Variants in LAMP3 observed in about 807,000 individuals in gnomAD.
LAMP3 encodes the protein lysosome-associated membrane glycoprotein 3.
A neutral mutation model predicts 34.8 loss-of-function variants in LAMP3; 26 were observed. The ratio of observed to expected loss-of-function variants is 0.75; its 90% CI spans 0.55 to 1.04. The LOEUF (loss-of-function observed/expected upper bound fraction) is 1.04, where lower values mean the gene tolerates loss of function less well. Ranked by LOEUF, LAMP3 falls within the 50% of genes least tolerant of loss-of-function variation. The pLI is 0.00. For synonymous variants in LAMP3, 180 were observed against 201.9 expected (o/e 0.89, Z 0.92); for missense variants, 495 against 524.0 (o/e 0.94, Z 0.54).
rs1449779469 is a variant in LAMP3 at position 183,124,214 on chromosome 3, A to G, written c.1118T>C (p.Val373Ala). ...TGTGTAGTCAGACGAGCACTCATCCACTAAGAGAGAAAACAAATACAATAC... is the reference window on the plus strand; with the variant it reads ...TGTGTAGTCAGACGAGCACTCATCCGCTAAGAGAGAAAACAAATACAATAC... ...FDFEDDHFGN[V>A]DECSSDYTIV... Residue 373 changes from valine (V) to alanine (A), a missense_variant and splice_region_variant, in exon 6 of 6, where the codon GTG (valine) becomes GCG (alanine). Coordinates refer to ENST00000265598, the MANE Select transcript of LAMP3 (RefSeq NM_014398.4). 2 of 1,571,628 alleles carry G rather than the reference A, an allele frequency of 1.3e-6. No individual in the cohort carries two copies. The highest frequency in any genetic ancestry group is 1.7e-6 in the Non-Finnish European group (2 of 1,163,550).
rs202029050 is a variant in LAMP3 at position 183,153,741 on chromosome 3, T to C, written c.700A>G (p.Ser234Gly). Reference protein sequence around the residue: ...KTGIYQVLNGSRLCIKAEMGI... With the variant: ...KTGIYQVLNGGRLCIKAEMGI... ...ATCTCTGCTTTTATACAGAGTCTGC[T>C]TCCGTTTAGAACCTGATAAATTCCA... Residue 234 changes from serine (S) to glycine (G), a missense_variant, in exon 2 of 6, where the codon AGC (serine) becomes GGC (glycine). Physicochemically the swap from Ser to Gly is moderately conservative, Grantham distance 56. Transcript: ENST00000265598. The C allele has an allele frequency of 2.6e-6, 4 of 1,541,768 alleles. No homozygotes were observed. Among genetic ancestry groups the C allele is most frequent in the East Asian group, 2.3e-5 (1 of 44,432 alleles).
intron 3 of LAMP3, among the ~76,000 whole-genome samples, chr3:183,142,034 G>C (rs1720298194): frequency 1.3e-5 from 2 of 152,130 alleles, no homozygotes; most frequent in African/African-American, 4.8e-5. Context: ...TCAGTCTCTT[G>C]GTTCTTGAAG....
chr3:183,160,105 T>C (rs150508673), intron 1 of LAMP3, among the ~76,000 whole-genome samples: 3 of 152,240 alleles, frequency 2.0e-5, no homozygotes, highest in Non-Finnish European at 4.4e-5. Context: ...AACAAGCAAC[T>C]ATCTTGTTTA....
Position 183,153,965 on chromosome 3 carries a change from G to T in LAMP3, c.476C>A (p.Thr159Asn), listed in dbSNP as rs755276071. 16 of 1,614,182 alleles carry T rather than the reference G, an allele frequency of 9.9e-6. No individual in the cohort carries two copies. Among genetic ancestry groups the T allele is most frequent in the Non-Finnish European group, 1.3e-5 (15 of 1,180,022 alleles). ...SSTVSHTTGN[T>N]TQPSNQTTLP... Reference sequence around the variant, plus strand: ...GGTGGTCTGGTTACTGGGTTGAGTGGTGTTCCCAGTTGTGTGGCTGACGGT... The same window carrying T: ...GGTGGTCTGGTTACTGGGTTGAGTGTTGTTCCCAGTTGTGTGGCTGACGGT... Residue 159 changes from threonine to asparagine, a missense_variant, in exon 2 of 6, where the codon ACC (threonine) becomes AAC (asparagine). By Grantham distance (65) the Thr-to-Asn change is moderately conservative. Transcript: ENST00000265598.
chr3:183,142,517 C>A (rs945822790), intron 3 of LAMP3, among the ~76,000 whole-genome samples: 1 of 151,932 alleles, frequency 6.6e-6, no homozygotes, highest in African/African-American at 2.4e-5. Flanking sequence ...ATCCTTACAA[C>A]GACCCCGAGA....
chr3:183,130,920 A>ATG (rs1719901258), intron 5 of LAMP3, among the ~76,000 whole-genome samples: 2 of 151,950 alleles, frequency 1.3e-5, no homozygotes, highest in Admixed American at 6.6e-5. Flanking sequence ...CTTAGGGTGA[A>ATG]TGTGTGTGTG....
intron 3 of LAMP3, among the ~76,000 whole-genome samples, chr3:183,146,708 A>G (rs1049762127): frequency 6.6e-6 from 1 of 151,580 alleles, no homozygotes; most frequent in African/African-American, 2.4e-5. Context: ...TTGTATTTTT[A>G]GTAGAGACAG....
At position 183,127,927 on chromosome 3, in the gene LAMP3, C is replaced by T. The variant is rs549961122; in HGVS notation, c.1118-3713G>A. The stretch of plus-strand genomic sequence containing the variant: ...CAGGTGGATCTCAAGGTCAGGAGAT[C>T]GAGACCATTCTGGCTAACACAGTGA... On this transcript the variant is annotated intron_variant, in intron 5 of 5. Coordinates refer to ENST00000265598, the MANE Select transcript of LAMP3 (RefSeq NM_014398.4). 3.3e-5 allele frequency among the ~76,000 whole-genome samples: 5 copies of T among 151,918 alleles called. No individual in the cohort carries two copies. In the South Asian group the frequency reaches 6.2e-4, roughly 19 times the overall value.
At chr3:183,133,045 A>G in intron 5 of LAMP3, 1 of 580,682 alleles carries the variant, frequency 1.7e-6, no homozygotes, top group Non-Finnish European at 2.2e-6. Context: ...CTTTGGAGAA[A>G]AGAAGACAGA....
intron 1 of LAMP3, among the ~76,000 whole-genome samples, chr3:183,156,364 A>AACAACAAC (rs1720822652): frequency 1.3e-5 from 2 of 151,034 alleles, no homozygotes; most frequent in Admixed American, 6.6e-5. Flanking sequence ...GCTGTCTCAA[A>AACAACAAC]AACAACAACA....
At chr3:183,150,644 CTCAAGCAAT>C (rs1387600505) in intron 3 of LAMP3, among the ~76,000 whole-genome samples, 2 of 137,944 alleles carry the variant, frequency 1.4e-5, no homozygotes, top group South Asian at 4.8e-4. Flanking sequence ...ACCTCCTGGA[CTCAAGCAAT>C]TCAAGCAATC....
At position 183,123,992 on chromosome 3, in the gene LAMP3, C is replaced by G; in HGVS notation, c.*89G>C. The G allele has an allele frequency of 2.1e-6, 3 of 1,448,162 alleles. No homozygotes were observed. 89.7% of individuals were successfully genotyped at this position (1,448,162 alleles called of 1,614,324 possible). The stretch of plus-strand genomic sequence containing the variant: ...GGTGGTTTACATTGTTTGAAGGACC[C>G]ACACTCTGAGGGAATTTCCCAACAT... On this transcript the variant is annotated 3_prime_UTR_variant, in exon 6 of 6. Transcript: ENST00000265598.
At position 183,151,033 on chromosome 3, in the gene LAMP3, T is replaced by C. The variant is rs545051585; in HGVS notation, c.888+1342A>G. On this transcript the variant is annotated intron_variant, in intron 3 of 5. Coordinates refer to ENST00000265598, the MANE Select transcript of LAMP3 (RefSeq NM_014398.4). ...GTATGCTCCAGGAGAATAAAGTCTT[T>C]GTGATCAAGTTAATAATGACAATCA... Among the ~76,000 whole-genome samples, 4 of 152,284 alleles carry C rather than the reference T, an allele frequency of 2.6e-5. No homozygotes were observed. In the South Asian group the frequency reaches 8.3e-4, roughly 32 times the overall value.
At chr3:183,129,031 C>T (rs998722634) in intron 5 of LAMP3, among the ~76,000 whole-genome samples, 2 of 152,096 alleles carry the variant, frequency 1.3e-5, no homozygotes, top group African/African-American at 2.4e-5. Flanking sequence ...TCAAAACAAA[C>T]AAACAAACAA....
In LAMP3 at chr3:183,128,174, G is replaced by A. The variant is rs374372230; in HGVS notation, c.1118-3960C>T. Among the ~76,000 whole-genome samples, 20 of 150,110 alleles carry A rather than the reference G, an allele frequency of 1.3e-4. No homozygotes were observed. The South Asian group carries it at 3.2e-3, about 24-fold the overall frequency. ...AAAAAAAAAAAAAAAGTGTTCTGAC[G>A]ATTTAACACTGTCATATGATTTGAA... On this transcript the variant is annotated intron_variant, in intron 5 of 5. Transcript: ENST00000265598.
chr3:183,159,843 G>A (rs189022363), intron 1 of LAMP3, among the ~76,000 whole-genome samples: 2 of 152,352 alleles, frequency 1.3e-5, no homozygotes, highest in African/African-American at 4.8e-5. Flanking sequence ...GGCCTTCTGG[G>A]AAGGCTGGGT....
intron 3 of LAMP3, among the ~76,000 whole-genome samples, chr3:183,149,265 G>A (rs575269136): frequency 6.6e-6 from 1 of 152,070 alleles, no homozygotes; most frequent in African/African-American, 2.4e-5. Context: ...GAATGGGCTG[G>A]GCACGGTGGC....
At chr3:183,149,820 C>T (rs188716381) in intron 3 of LAMP3, among the ~76,000 whole-genome samples, 161 of 151,794 alleles carry the variant, frequency 1.1e-3, no homozygotes, top group African/African-American at 3.6e-3. Flanking sequence ...ATCAAAATAT[C>T]TCATGTACCC....
At position 183,150,798 on chromosome 3, in the gene LAMP3, G is replaced by A. The variant is rs555959170; in HGVS notation, c.888+1577C>T. 2.2e-4 allele frequency among the ~76,000 whole-genome samples: 34 copies of A among 152,080 alleles called. 1 individual carries two copies. Among genetic ancestry groups the A allele is most frequent in the African/African-American group, 5.3e-4 (22 of 41,450 alleles). ...AGGCTGGTCTCAAACTCCTGGCCTC[G>A]AGTGATTCTTGAGCCACTGTATCCA... On this transcript the variant is annotated intron_variant, in intron 3 of 5. Transcript: ENST00000265598.
Sources: allele counts gnomAD v4.1 joint callset (sites outside exome capture counted in the v4.1 genomes callset), GRCh38; gene constraint gnomAD v4.1.1; transcripts MANE v1.5; gene names NCBI Gene and HGNC (gene_info 2026-07-23, HGNC 2026-07-21).